FBN3: variants seen among roughly 807,000 people sequenced by gnomAD.
FBN3 encodes the protein fibrillin 3.
In FBN3, 234 loss-of-function variants were observed where a neutral mutation model predicts 330.1. That is an observed-to-expected ratio of 0.71 (90% CI 0.64 to 0.79). The LOEUF is 0.79. Among genes scored for constraint, FBN3 ranks in the 30% least tolerant of loss-of-function variants. The pLI is 0.00. For synonymous variants in FBN3, 1,458 were observed against 1,517.3 expected (o/e 0.96, Z 0.91); for missense variants, 3,606 against 3,886.9 (o/e 0.93, Z 1.92).
intron 38 of FBN3, 86 bp from the exon 39 acceptor site, chr19:8,103,773 C>T (rs981536527): frequency 1.5e-6 from 2 of 1,360,136 alleles, no homozygotes; most frequent in Non-Finnish European, 2.0e-6. Context: ...CCAGCAAGGC[C>T]ACTTCACCAG....
intron 23 of FBN3, 63 bp downstream of exon 23, chr19:8,123,721 G>A: frequency 1.3e-6 from 2 of 1,597,714 alleles, no homozygotes; most frequent in Non-Finnish European, 1.7e-6. Context: ...CCATCTCCAG[G>A]CTTTTGCCTA....
intron 6 of FBN3, among the ~76,000 whole-genome samples, chr19:8,143,864 C>T (rs1172740210): frequency 2.0e-5 from 3 of 150,008 alleles, no homozygotes; most frequent in African/African-American, 7.4e-5. Flanking sequence ...GTCACCCAGG[C>T]TGGAATGCAG....
intron 57 of FBN3, among the ~76,000 whole-genome samples, chr19:8,082,685 G>A (rs144575563): frequency 0.011 from 1,734 of 152,218 alleles, 44 homozygotes; most frequent in African/African-American, 0.04. Flanking sequence ...GCAGAGATGG[G>A]GTTTCACCAT....
chr19:8,127,065 T>TTG (rs2083011649), intron 18 of FBN3, among the ~76,000 whole-genome samples: 1 of 148,572 alleles, frequency 6.7e-6, no homozygotes, highest in Non-Finnish European at 1.5e-5. Context: ...TTTTGTTTTT[T>TTG]TTTTTTTTTT....
At chr19:8,145,095 T>G in intron 5 of FBN3, 123 bp from the exon 6 acceptor site, 1 of 870,726 alleles carries the variant, frequency 1.1e-6, no homozygotes, top group Non-Finnish European at 1.8e-6. Context: ...AGACTGAGGC[T>G]GAGCTGAGTG....
rs111831321 is a variant in FBN3 at position 8,116,572 on chromosome 19, C to T, written c.3712+102G>A. The T allele has an allele frequency of 1.0e-3, 1,308 of 1,254,672 alleles. 5 individuals are homozygous for T. In the African/African-American group the frequency reaches 0.017, roughly 16 times the overall value. 77.7% of individuals were successfully genotyped at this position (1,254,672 alleles called of 1,614,324 possible). ...TACCTGCGAATGGCAGGGGTGGGGC[C>T]TGGCATTTTTCATGCCTATGTGCCA... On this transcript the variant is annotated intron_variant, in intron 29 of 63. Transcript: ENST00000600128.
chr19:8,094,726 C>T (rs140886685), intron 46 of FBN3, among the ~76,000 whole-genome samples, 161 bp from the exon 47 acceptor site: 108 of 152,280 alleles, frequency 7.1e-4, no homozygotes, highest in African/African-American at 2.1e-3. Flanking sequence ...AGACTCAGGA[C>T]GACAGGGACA....
At chr19:8,135,936 G>GGGGGGGGGCCCCCCCCCCCCCC in intron 13 of FBN3, 25 bp downstream of exon 13, 2 of 668,772 alleles carry the variant, frequency 3.0e-6, no homozygotes, top group Non-Finnish European at 4.8e-6. Flanking sequence ...GGAAGCCCCT[G>GGGGGGGGGCCCCCCCCCCCCCC]CCCACCCGCC....
At chr19:8,090,354 T>A (rs1599313129) in intron 48 of FBN3, 103 bp from the exon 49 acceptor site, 1 of 1,348,616 alleles carries the variant, frequency 7.4e-7, no homozygotes, top group Non-Finnish European at 1.0e-6. Context: ...GTTGTGCTGA[T>A]CCTGCCAGTG....
chr19:8,074,819 G>A, intron 61 of FBN3: 1 of 462,548 alleles, frequency 2.2e-6, no homozygotes. Context: ...CAGACTTCAG[G>A]TCTCAGAATC....
At chr19:8,140,878 A>C (rs1047176233) in intron 8 of FBN3, among the ~76,000 whole-genome samples, 2 of 152,096 alleles carry the variant, frequency 1.3e-5, no homozygotes, top group East Asian at 1.9e-4. Context: ...GATGGCCCCC[A>C]GTGGTGGAGA....
In FBN3 at chr19:8,096,757, A is replaced by G; in HGVS notation, c.5413+124T>C. 7.5e-7 allele frequency: 1 copy of G among 1,328,642 alleles called. No individual in the cohort carries two copies. The highest frequency in any genetic ancestry group is 2.3e-5 in the East Asian group (1 of 43,226). 82.3% of individuals were successfully genotyped at this position (1,328,642 alleles called of 1,614,324 possible). A position where few individuals can be genotyped will look rare whatever the true frequency, so the allele number is the denominator to read the frequency against. ...CACATCCTATTAACAGACACTCTCA[A>G]TACATCCCCCACCCCCCTAATAGTA... On this transcript the variant is annotated intron_variant, in intron 43 of 63. Coordinates refer to ENST00000600128, the MANE Select transcript of FBN3 (RefSeq NM_032447.5). This position sits in a 1 kb window ranked among gnomAD's most constrained non-coding sequence, Gnocchi z 4.6.
chr19:8,146,295 C>T (rs527609439), intron 3 of FBN3, 70 bp from the exon 4 acceptor site: 27 of 1,344,426 alleles, frequency 2.0e-5, no homozygotes, highest in Non-Finnish European at 2.6e-5. Context: ...CATTGGTGTC[C>T]GGGCTGGCCG....
chr19:8,086,622 A>ATTTTTT (rs35364392), intron 54 of FBN3, among the ~76,000 whole-genome samples: 1 of 133,590 alleles, frequency 7.5e-6, no homozygotes, highest in African/African-American at 2.8e-5. Flanking sequence ...ACGCCCAGCT[A>ATTTTTT]TTTTTTTTTT....
intron 41 of FBN3, among the ~76,000 whole-genome samples, chr19:8,100,684 A>C (rs920483749): frequency 2.0e-5 from 3 of 152,208 alleles, no homozygotes; most frequent in African/African-American, 7.2e-5. Context: ...CATTTTAAAA[A>C]ATGGATAATG....
At chr19:8,094,388 G>GCAAGTGCCGGGTAGGCAGGTTCCTGCA in intron 47 of FBN3, 58 bp downstream of exon 47, 1 of 1,555,960 alleles carries the variant, frequency 6.4e-7, no homozygotes, top group African/African-American at 1.4e-5. Flanking sequence ...CCATTTTATG[G>GCAAGTGCCGGGTAGGCAGGTTCCTGCA]ATGGAGAAAG....
At position 8,131,147 on chromosome 19, in the gene FBN3, G is replaced by GC; in HGVS notation, c.2044+87dup. The GC allele has an allele frequency of 7.6e-7, 1 of 1,322,134 alleles. No homozygotes were observed. The highest frequency in any genetic ancestry group is 1.1e-6 in the Non-Finnish European group (1 of 952,110). The allele number at this position is 1,322,134 out of a possible 1,614,324, so 81.9% of individuals were successfully genotyped here. A position where few individuals can be genotyped will look rare whatever the true frequency, so the allele number is the denominator to read the frequency against. On this transcript the variant is annotated intron_variant, in intron 16 of 63. Transcript: ENST00000600128. This position sits in a 1 kb window ranked among gnomAD's most constrained non-coding sequence, Gnocchi z 4.5. ...GGGCACTTTGTTACGGGAACCCCGG[G>GC]CCAACTCCTACAGCCTCCCACCACA...
chr19:8,112,723 C>T (rs1013750366), intron 30 of FBN3, among the ~76,000 whole-genome samples: 1 of 152,216 alleles, frequency 6.6e-6, no homozygotes, highest in Admixed American at 6.5e-5. Context: ...GCCAGGATTT[C>T]CCTGTCCACC....
At chr19:8,105,688 T>G (rs911912333) in intron 38 of FBN3, among the ~76,000 whole-genome samples, 1 of 152,298 alleles carries the variant, frequency 6.6e-6, no homozygotes, top group East Asian at 1.9e-4. Context: ...ATTAGCATGG[T>G]AAGAGTGATG....
Sources: gnomAD v4.1 joint callset for allele counts (sites outside exome capture counted in the v4.1 genomes callset) on GRCh38, gnomAD v4.1.1 for gene constraint, Gnocchi (gnomAD v3.1) non-coding constraint, MANE v1.5 for transcripts, NCBI Gene and HGNC (gene_info 2026-07-23, HGNC 2026-07-21) for gene names.